The following SORL1 variants were observed in gnomAD, a reference collection of about 807,000 sequenced individuals.
SORL1 encodes the protein sortilin related receptor 1, also known as sortilin-related receptor.
A neutral mutation model predicts 273.7 loss-of-function variants in SORL1; 127 were observed. The observed-to-expected ratio is 0.46, with a 90% confidence interval of 0.40 to 0.54. The LOEUF is 0.54. SORL1 is among the 20% of genes least tolerant of loss of function. The pLI, the probability that SORL1 is intolerant of heterozygous loss-of-function variation, is 0.00. For missense variants in SORL1, 2,494 were observed against 2,846.1 expected, an observed-to-expected ratio of 0.88 and a Z score of 2.81; for synonymous variants, 1,031 against 1,067.4, an observed-to-expected ratio of 0.97 and a Z score of 0.66.
intron 27 of SORL1, 99 bp from the exon 28 acceptor site, chr11:121,587,921 C>T (rs183132843): frequency 5.1e-4 from 730 of 1,443,002 alleles, no homozygotes; most frequent in Non-Finnish European, 6.7e-4. Flanking sequence ...ACTGTTGCTT[C>T]CTGAAGCCAC....
Position 121,627,293 on chromosome 11 carries a change from T to G in SORL1, c.6365-262T>G. ...AAGGTCTCCCTTCCAAGAGATTATCTAAATAACCAACAAGGCAGTGATTAG... is the reference window on the plus strand; with the variant it reads ...AAGGTCTCCCTTCCAAGAGATTATCGAAATAACCAACAAGGCAGTGATTAG... On this transcript the variant is annotated intron_variant, in intron 46 of 47. Transcript: ENST00000260197. This position sits in a 1 kb window ranked among gnomAD's most constrained non-coding sequence, Gnocchi z 4.9. 2.1e-6 allele frequency: 1 copy of G among 480,888 alleles called. No individual in the cohort carries two copies. Among genetic ancestry groups the G allele is most frequent in the South Asian group, 2.8e-5 (1 of 36,280 alleles). The allele number at this position is 480,888 out of a possible 1,614,324, so 29.8% of individuals were successfully genotyped here. A position where few individuals can be genotyped will look rare whatever the true frequency, so the allele number is the denominator to read the frequency against.
In SORL1 at chr11:121,567,012, G is replaced by T. The variant is rs555068537; in HGVS notation, c.3122G>T (p.Arg1041Met). The T allele has an allele frequency of 6.8e-6, 11 of 1,614,208 alleles. No homozygotes were observed. The highest frequency in any genetic ancestry group is 8.5e-6 in the Non-Finnish European group (10 of 1,180,010). ...AAGGCCAACAACAGTAGAAGCTGCA[G>T]GTGTCCAGAGGATGTGTCCAGCAGT... ...LPKANNSRSC[R>M]CPEDVSSSVL... The change falls in exon 22 of 48, where the codon AGG becomes ATG. Residue 1041 changes from arginine to methionine, a missense_variant. Physicochemically the swap from Arg to Met is moderately conservative, Grantham distance 91 (BLOSUM62 -1). This residue lies in a region of SORL1 where 1,609 missense variants were observed against 1,816.4 expected (regional missense o/e 0.89). Coordinates refer to ENST00000260197, the MANE Select transcript of SORL1 (RefSeq NM_003105.6).
At chr11:121,541,348 G>C (rs1305091383) in intron 12 of SORL1, among the ~76,000 whole-genome samples, 3 of 151,954 alleles carry the variant, frequency 2.0e-5, no homozygotes, top group Non-Finnish European at 4.4e-5. Context: ...GGGACCACAG[G>C]GGGCACCACC....
rs1297471716 is a variant in SORL1 at position 121,563,440 on chromosome 11, G to A, written c.3050-3500G>A. On this transcript the variant is annotated intron_variant, in intron 21 of 47. Transcript: ENST00000260197. The surrounding 1 kb of genome is among the most constrained non-coding windows in gnomAD (Gnocchi z 4.2). ...AGACAGAGTCTCGTTCTGTTACCCC[G>A]GCTGGAGTGCAGTGATGTGATCTTG... Among the ~76,000 whole-genome samples the A allele has an allele frequency of 6.6e-6, 1 of 152,066 alleles. No individual in the cohort carries two copies. Among genetic ancestry groups the A allele is most frequent in the Non-Finnish European group, 1.5e-5 (1 of 68,004 alleles).
chr11:121,591,027 C>T lies in SORL1; in HGVS notation c.4240C>T (p.Pro1414Ser), dbSNP rs749053614. 1.2e-6 allele frequency: 2 copies of T among 1,614,240 alleles called. No homozygotes were observed. The highest frequency in any genetic ancestry group is 1.7e-6 in the Non-Finnish European group (2 of 1,180,042). Residue 1414 changes from proline to serine, a missense_variant, in exon 31 of 48, where the codon CCT (proline) becomes TCT (serine). This residue lies in a region of SORL1 where 1,609 missense variants were observed against 1,816.4 expected (regional missense o/e 0.89). Coordinates refer to ENST00000260197, the MANE Select transcript of SORL1 (RefSeq NM_003105.6). ...GDSHILPFSTPGPSTCLPNYY... is the reference protein window; with the variant it reads ...GDSHILPFSTSGPSTCLPNYY... ...TTCACATATTCTTCCCTTCTCGACTCCTGGGCCCTCCACGTGTCTGCCCAA... is the reference window on the plus strand; with the variant it reads ...TTCACATATTCTTCCCTTCTCGACTTCTGGGCCCTCCACGTGTCTGCCCAA...
At chr11:121,617,743 G>A (rs946792434) in intron 41 of SORL1, among the ~76,000 whole-genome samples, 1 of 152,196 alleles carries the variant, frequency 6.6e-6, no homozygotes, top group Admixed American at 6.5e-5. Context: ...AAACTCCCTC[G>A]GCTTCCACTT....
At chr11:121,453,286 C>T (rs1860840924) in intron 1 of SORL1, among the ~76,000 whole-genome samples, 1 of 152,142 alleles carries the variant, frequency 6.6e-6, no homozygotes, top group African/African-American at 2.4e-5. Flanking sequence ...TTTGAAAGGA[C>T]TGCAGGAAAT....
At chr11:121,491,110 G>T (rs553025506) in intron 5 of SORL1, among the ~76,000 whole-genome samples, 1 of 152,318 alleles carries the variant, frequency 6.6e-6, no homozygotes, top group Non-Finnish European at 1.5e-5. Context: ...AAGGCACAGG[G>T]ATGCGCCAAT....
chr11:121,528,982 T>C (rs1489243399), intron 11 of SORL1, among the ~76,000 whole-genome samples: 2 of 152,238 alleles, frequency 1.3e-5, no homozygotes, highest in African/African-American at 2.4e-5. Flanking sequence ...TCTCCTACTA[T>C]GATTCTGAAA....
At chr11:121,557,251 G>T in intron 18 of SORL1, 63 bp from the exon 19 acceptor site, 1 of 1,179,452 alleles carries the variant, frequency 8.5e-7, no homozygotes, top group Non-Finnish European at 1.3e-6. Flanking sequence ...AGCCATCTTT[G>T]GCAATGGGGG....
chr11:121,539,886 T>C (rs1862321495), intron 12 of SORL1, among the ~76,000 whole-genome samples: 1 of 152,190 alleles, frequency 6.6e-6, no homozygotes, highest in Admixed American at 6.5e-5. Flanking sequence ...TTATTTATTC[T>C]ATTGGCCATC....
chr11:121,506,751 A>T (rs1375660241), intron 6 of SORL1, among the ~76,000 whole-genome samples: 1 of 152,124 alleles, frequency 6.6e-6, no homozygotes, highest in Non-Finnish European at 1.5e-5. Context: ...GCATTCTTTT[A>T]ATTTCTGCCT....
At chr11:121,498,409 C>T (rs1861661544) in intron 6 of SORL1, among the ~76,000 whole-genome samples, 6 of 152,128 alleles carry the variant, frequency 3.9e-5, no homozygotes, top group Admixed American at 3.3e-4. Context: ...GCCTTTTCTG[C>T]CTTAATGCCT....
chr11:121,610,881 A>G (rs1863552540), intron 38 of SORL1, 195 bp from the exon 39 acceptor site: 2 of 509,846 alleles, frequency 3.9e-6, no homozygotes, highest in South Asian at 5.1e-5. Context: ...TTTTGTGTTC[A>G]CCAAGCAACT....
At chr11:121,608,993 G>A (rs1018328275) in intron 38 of SORL1, 1 of 152,244 alleles carries the variant, frequency 6.6e-6, no homozygotes, top group Non-Finnish European at 1.5e-5. Context: ...CGGGCATCTA[G>A]TAGAGACTAA....
chr11:121,505,055 G>A (rs1250122564), intron 6 of SORL1, among the ~76,000 whole-genome samples: 2 of 152,022 alleles, frequency 1.3e-5, no homozygotes, highest in African/African-American at 4.8e-5. Flanking sequence ...AATCCCACAT[G>A]CTCTTGGTTT....
rs1335530535 is a variant in SORL1, at chr11:121,615,020, G to T, written c.5569G>T (p.Ala1857Ser). Residue 1857 changes from alanine to serine, a missense_variant, in exon 41 of 48, where the codon GCA (alanine) becomes TCA (serine). Transcript: ENST00000260197. ...SLKAKAINQTAVECTWTGPRN... is the reference protein window; with the variant it reads ...SLKAKAINQTSVECTWTGPRN... ...CAAGGCCAAAGCCATCAACCAGACTGCAGTGGAATGTACCTGGACCGGCCC... is the reference window on the plus strand; with the variant it reads ...CAAGGCCAAAGCCATCAACCAGACTTCAGTGGAATGTACCTGGACCGGCCC... 1 of 1,611,634 alleles carries T rather than the reference G, an allele frequency of 6.2e-7. No individual in the cohort carries two copies. Among genetic ancestry groups the T allele is most frequent in the East Asian group, 2.2e-5 (1 of 44,818 alleles).
chr11:121,472,612 A>G (rs930104053), intron 2 of SORL1, among the ~76,000 whole-genome samples: 1 of 152,204 alleles, frequency 6.6e-6, no homozygotes. Flanking sequence ...AAGTATTGCC[A>G]GTCTATTGAA....
chr11:121,522,633 C>G lies in SORL1; in HGVS notation c.1452C>G (p.Leu484=). 6.2e-7 allele frequency: 1 copy of G among 1,614,226 alleles called. No homozygotes were observed. The change falls in exon 10 of 48, where the codon CTC becomes CTG. Residue 484 remains leucine (L), a synonymous_variant. Transcript: ENST00000260197. Reference sequence around the variant, plus strand: ...ATCTGGCTCAGCGCCTCAGTCAGCTCCTCAACCTCCAGCTCCGGAGAATGC... The same window carrying G: ...ATCTGGCTCAGCGCCTCAGTCAGCTGCTCAACCTCCAGCTCCGGAGAATGC... ...SLHLAQRLSQ[L]LNLQLRRMPI... is the part of the protein sequence containing the mutation.
Sources: allele counts gnomAD v4.1 joint callset (sites outside exome capture counted in the v4.1 genomes callset), GRCh38; gene constraint gnomAD v4.1.1; regional missense constraint gnomAD v4.1.1; non-coding constraint Gnocchi (gnomAD v3.1); transcripts MANE v1.5; gene names NCBI Gene and HGNC (gene_info 2026-07-23, HGNC 2026-07-21).